Variants in NOL6 observed in about 807,000 individuals in gnomAD.
NOL6 encodes nucleolar protein 6, also known as nucleolar RNA-associated protein.
A neutral mutation model predicts 131.7 loss-of-function variants in NOL6; 33 were observed. The ratio of observed to expected loss-of-function variants is 0.25; its 90% confidence interval spans 0.19 to 0.33. NOL6 has a LOEUF of 0.33. Ranked by LOEUF, NOL6 falls within the 10% of genes least tolerant of loss-of-function variation. The pLI is 1.00. For synonymous variants in NOL6, 580 were observed against 605.7 expected, an observed-to-expected ratio of 0.96 and a Z score of 0.62; for missense variants, 1,297 against 1,494.5, an observed-to-expected ratio of 0.87 and a Z score of 2.18.
rs1322987064 is a variant in NOL6, at chr9:33,472,265, C to T, written c.202G>A (p.Glu68Lys). 1.2e-6 allele frequency: 2 copies of T among 1,614,094 alleles called. No homozygotes were observed. The highest frequency in any genetic ancestry group is 1.1e-5 in the South Asian group (1 of 91,086). The change falls in exon 2 of 26, where the codon GAG (glutamate) becomes AAG (lysine). Residue 68 changes from glutamate (E) to lysine (K), a missense_variant. Transcript: ENST00000297990. ...AELYKEPTNEELNRLRETEIL... is the reference protein window; with the variant it reads ...AELYKEPTNEKLNRLRETEIL... The stretch of plus-strand genomic sequence containing the variant: ...TCAGTCTCCCGAAGGCGATTAAGCT[C>T]CTCATTGGTAGGCTCCTTGTACAGT...
Position 33,469,284 on chromosome 9 carries a change from A to T in NOL6, c.785T>A (p.Phe262Tyr). The change falls in exon 6 of 26, where the codon TTC (phenylalanine) becomes TAC (tyrosine). Residue 262 changes from phenylalanine (F) to tyrosine (Y), a missense_variant. Physicochemically the swap from Phe to Tyr is conservative, Grantham distance 22. Coordinates refer to ENST00000297990, the MANE Select transcript of NOL6 (RefSeq NM_022917.5). ...GGTTGGCAGCAAGCGGCACGGGCGG[A>T]AGAAGTCAGGTGGAGGGCACGGATG... The part of the protein sequence containing the change: ...RLHPCPPPDF[F>Y]RPCRLLPTKN... 1 of 1,614,202 alleles carries T rather than the reference A, an allele frequency of 6.2e-7. No homozygotes were observed. Among genetic ancestry groups the T allele is most frequent in the South Asian group, 1.1e-5 (1 of 91,086 alleles).
intron 10 of NOL6, 34 bp from the exon 11 acceptor site, chr9:33,468,179 T>G (rs756810335): frequency 6.2e-7 from 1 of 1,614,120 alleles, no homozygotes; most frequent in Non-Finnish European, 8.5e-7. Context: ...CCTGTGCCCT[T>G]CATTGATCCA....
At chr9:33,468,179 T>A (rs756810335) in intron 10 of NOL6, 34 bp from the exon 11 acceptor site, 1 of 1,614,002 alleles carries the variant, frequency 6.2e-7, no homozygotes, top group Non-Finnish European at 8.5e-7. Flanking sequence ...CCTGTGCCCT[T>A]CATTGATCCA....
rs1371045706 is a variant in NOL6 at position 33,469,645 on chromosome 9, C to T, written c.581G>A (p.Gly194Glu). 1 of 1,611,378 alleles carries T rather than the reference C, an allele frequency of 6.2e-7. No individual in the cohort carries two copies. The highest frequency in any genetic ancestry group is 1.3e-5 in the African/African-American group (1 of 74,712). ...MPREILQDKD[G>E]LNQRYFRKRA... ...CTTGCGGAAGTAGCGCTGGTTCAGC[C>T]CGTCCTTGTCCTGTAGGATTTCCTG... The change falls in exon 5 of 26, where the codon GGG (glycine) becomes GAG (glutamate). Residue 194 changes from glycine to glutamate, a missense_variant. Coordinates refer to ENST00000297990, the MANE Select transcript of NOL6 (RefSeq NM_022917.5).
At chr9:33,468,659 G>A in intron 8 of NOL6, 93 bp from the exon 9 acceptor site, 1 of 1,608,054 alleles carries the variant, frequency 6.2e-7, no homozygotes, top group Non-Finnish European at 8.5e-7. Flanking sequence ...TTGCTCATCT[G>A]TCTGATGGCA....
intron 23 of NOL6, 82 bp downstream of exon 23, chr9:33,463,749 T>A: frequency 7.0e-7 from 1 of 1,423,992 alleles, no homozygotes; most frequent in African/African-American, 1.4e-5. Flanking sequence ...GGGGACCGGG[T>A]CTCCTGTGAG....
chr9:33,472,743 T>G (rs1330308226), intron 1 of NOL6: 3 of 369,272 alleles, frequency 8.1e-6, no homozygotes, highest in Admixed American at 4.1e-5. Context: ...GAGGTGGAGC[T>G]GGGCGGATCA....
At chr9:33,465,679 G>T in intron 19 of NOL6, 55 bp downstream of exon 19, 1 of 1,563,660 alleles carries the variant, frequency 6.4e-7, no homozygotes. Context: ...TAGGTGAGGA[G>T]AATGGGGGCA....
At chr9:33,472,578 A>G (rs1208349964) in intron 1 of NOL6, 166 bp from the exon 2 acceptor site, 2 of 635,942 alleles carry the variant, frequency 3.1e-6, no homozygotes, top group African/African-American at 3.6e-5. Context: ...TTGGATGAAC[A>G]TCACTGAGCG....
intron 21 of NOL6, 48 bp from the exon 22 acceptor site, chr9:33,464,209 C>G (rs1435259117): frequency 6.4e-7 from 1 of 1,557,216 alleles, no homozygotes. Context: ...CCCTGTAAGA[C>G]ACCCTCTACT....
At position 33,462,292 on chromosome 9, in the gene NOL6, C is replaced by T; in HGVS notation, c.*372G>A. ...CAGCAGGAAGGAGACAGAGCCTCTC[C>T]CAGGCACACATCCCCTTCTCTGTTT... On this transcript the variant is annotated 3_prime_UTR_variant, in exon 26 of 26. Transcript: ENST00000297990. The T allele has an allele frequency of 1.4e-6, 1 of 710,386 alleles. No individual in the cohort carries two copies. The highest frequency in any genetic ancestry group is 2.0e-5 in the Admixed American group (1 of 49,692). The allele number at this position is 710,386 out of a possible 1,614,324, so 44.0% of individuals were successfully genotyped here.
At chr9:33,469,148 G>C (rs1370411948) in intron 6 of NOL6, 27 bp from the exon 7 acceptor site, 1 of 1,613,964 alleles carries the variant, frequency 6.2e-7, no homozygotes, top group African/African-American at 1.3e-5. Context: ...GAAGCCATGA[G>C]AGGAAAAGTC....
intron 21 of NOL6, 60 bp from the exon 22 acceptor site, chr9:33,464,221 CCCCAGGTCCT>C: frequency 6.5e-7 from 1 of 1,536,784 alleles, no homozygotes; most frequent in East Asian, 2.3e-5. Context: ...CCCTCTACTC[CCCCAGGTCCT>C]CCTACGGTGC....
rs200592090 is a variant in NOL6 at position 33,466,745 on chromosome 9, A to G, written c.1951-36T>C. 48 of 1,608,488 alleles carry G rather than the reference A, an allele frequency of 3.0e-5. No individual in the cohort carries two copies. In the African/African-American group the frequency reaches 5.7e-4, roughly 19 times the overall value. On this transcript the variant is annotated intron_variant, in intron 15 of 25. Transcript: ENST00000297990. ...GAAGACGGTCAGGAGGCTGGACCCTACAGAAGGCCAGCTTCACCTGGATTC... is the reference window on the plus strand; with the variant it reads ...GAAGACGGTCAGGAGGCTGGACCCTGCAGAAGGCCAGCTTCACCTGGATTC...
chr9:33,470,409 C>T (rs1467973783), intron 3 of NOL6: 7 of 371,404 alleles, frequency 1.9e-5, no homozygotes, highest in African/African-American at 1.1e-4. Context: ...ACCCATTTTA[C>T]GAGCCGGGCG....
chr9:33,473,615 C>T (rs1250193145), intron 1 of NOL6, among the ~76,000 whole-genome samples, 174 bp downstream of exon 1: 1 of 152,224 alleles, frequency 6.6e-6, no homozygotes, highest in Non-Finnish European at 1.5e-5. Flanking sequence ...CCAAATACTG[C>T]CAGGTTCCAT....
Position 33,469,102 on chromosome 9 carries a change from G to A in NOL6, c.882C>T (p.Thr294=). The change falls in exon 7 of 26, where the codon ACC becomes ACT. Residue 294 remains threonine, a synonymous_variant. Transcript: ENST00000297990. The part of the protein sequence containing the change: ...PAGDGSPEPP[T]PRYNTWVLQD... ...GCAGGACCCATGTGTTATAGCGGGG[G>A]GTAGGAGGCTCTGGGCTACCTGTGG... 1 of 1,614,224 alleles carries A rather than the reference G, an allele frequency of 6.2e-7. No individual in the cohort carries two copies. The highest frequency in any genetic ancestry group is 8.5e-7 in the Non-Finnish European group (1 of 1,180,040).
intron 3 of NOL6, among the ~76,000 whole-genome samples, chr9:33,471,690 C>T (rs140946830): frequency 1.4e-4 from 22 of 152,308 alleles, no homozygotes; most frequent in African/African-American, 3.8e-4. Flanking sequence ...CCTACTTTTT[C>T]CTTTTTCCAG....
At chr9:33,470,987 T>G (rs950727062) in intron 3 of NOL6, among the ~76,000 whole-genome samples, 1 of 152,062 alleles carries the variant, frequency 6.6e-6, no homozygotes, top group African/African-American at 2.4e-5. Flanking sequence ...AAGTGAACGT[T>G]TTAGGCTGGG....
Sources: gnomAD v4.1 joint callset for allele counts (sites outside exome capture counted in the v4.1 genomes callset) on GRCh38, gnomAD v4.1.1 for gene constraint, MANE v1.5 for transcripts, NCBI Gene and HGNC (gene_info 2026-07-23, HGNC 2026-07-21) for gene names.